NPR3: variants seen among roughly 807,000 people sequenced by gnomAD.
The protein encoded by NPR3 is natriuretic peptide receptor 3.
NPR3 carries 34 observed loss-of-function variants against 54.5 expected under a neutral mutation model. The ratio of observed to expected loss-of-function variants is 0.62; its 90% CI spans 0.47 to 0.83. The LOEUF is 0.83. Ranked by LOEUF, NPR3 falls within the 40% of genes least tolerant of loss-of-function variation. The pLI is 0.00. For synonymous variants in NPR3, 289 were observed against 297.1 expected, an observed-to-expected ratio of 0.97 and a Z score of 0.28; for missense variants, 674 against 720.8, an observed-to-expected ratio of 0.94 and a Z score of 0.74.
Position 32,756,857 on chromosome 5 carries a change from G to C in NPR3, c.1059+17827G>C, listed in dbSNP as rs182828540. On this transcript the variant is annotated intron_variant, in intron 3 of 7. Coordinates refer to ENST00000265074, the MANE Select transcript of NPR3 (RefSeq NM_001204375.2). Reference sequence around the variant, plus strand: ...TTTTCCCAGCACCATTTATTAAATAGGGAATCCTTTCCCCATTTCTTGTTT... The same window carrying C: ...TTTTCCCAGCACCATTTATTAAATACGGAATCCTTTCCCCATTTCTTGTTT... Among the ~76,000 whole-genome samples, 184 of 152,304 alleles carry C rather than the reference G, an allele frequency of 1.2e-3. 3 individuals carry two copies. The South Asian group carries it at 0.021, about 17-fold the overall frequency.
At chr5:32,747,310 T>C (rs1249023621) in intron 3 of NPR3, among the ~76,000 whole-genome samples, 1 of 152,216 alleles carries the variant, frequency 6.6e-6, no homozygotes, top group African/African-American at 2.4e-5. Flanking sequence ...TTCTTCCTTT[T>C]CCTTCTACCT....
At chr5:32,740,035 C>A (rs561642328) in intron 3 of NPR3, among the ~76,000 whole-genome samples, 1 of 152,318 alleles carries the variant, frequency 6.6e-6, no homozygotes, top group East Asian at 1.9e-4. Context: ...TACACACCAC[C>A]ATGCCCAGCT....
intron 3 of NPR3, among the ~76,000 whole-genome samples, chr5:32,743,417 T>C (rs1740134100): frequency 6.6e-6 from 1 of 152,092 alleles, no homozygotes; most frequent in South Asian, 2.1e-4. Flanking sequence ...TGTATTAAGT[T>C]CTATGCAATT....
intron 2 of NPR3, among the ~76,000 whole-genome samples, chr5:32,730,872 C>T (rs1412923889): frequency 6.6e-6 from 1 of 152,156 alleles, no homozygotes; most frequent in African/African-American, 2.4e-5. Context: ...GAAGACTCAA[C>T]ATGGTAAAGA....
intron 2 of NPR3, among the ~76,000 whole-genome samples, chr5:32,735,410 CTCTA>C (rs976519094): frequency 1.3e-5 from 2 of 149,862 alleles, no homozygotes; most frequent in African/African-American, 5.0e-5. Context: ...TTCTCAAGGG[CTCTA>C]TCTCTTTTTT....
chr5:32,787,516 A>G lies in NPR3; in HGVS notation c.*1171A>G, dbSNP rs187501530. On this transcript the variant is annotated 3_prime_UTR_variant, in exon 8 of 8. Coordinates refer to ENST00000265074, the MANE Select transcript of NPR3 (RefSeq NM_001204375.2). Reference sequence around the variant, plus strand: ...GTTACTACTTGACAGCAAGCACAGAAATGACAAATTTAAAACTTTTACACA... The same window carrying G: ...GTTACTACTTGACAGCAAGCACAGAGATGACAAATTTAAAACTTTTACACA... The G allele has an allele frequency of 4.0e-4, 61 of 152,310 alleles. No homozygotes were observed. Among genetic ancestry groups the G allele is most frequent in the African/African-American group, 1.4e-3 (58 of 41,570 alleles). 9.4% of individuals were successfully genotyped at this position (152,310 alleles called of 1,614,324 possible). A position where few individuals can be genotyped will look rare whatever the true frequency, so the allele number is the denominator to read the frequency against.
chr5:32,710,790 G>T (rs116399912), upstream of NPR3: 54 of 1,532,064 alleles, frequency 3.5e-5, no homozygotes, highest in Non-Finnish European at 4.6e-5. Flanking sequence ...AAAGGTGAGA[G>T]CAAGCGGCAC....
intron 3 of NPR3, among the ~76,000 whole-genome samples, chr5:32,761,527 T>G (rs937146220): frequency 2.0e-5 from 3 of 152,118 alleles, no homozygotes; most frequent in African/African-American, 7.2e-5. Flanking sequence ...GTTTCTGTTC[T>G]TTAGATTGAG....
rs151152810 is a variant in NPR3, at chr5:32,723,648, A to G, written c.770-1050A>G. Among the ~76,000 whole-genome samples, 3 of 152,304 alleles carry G rather than the reference A, an allele frequency of 2.0e-5. No individual in the cohort carries two copies. The East Asian group carries it at 5.8e-4, about 29-fold the overall frequency. ...CAGTTGACAATTTTCACTATCTTATATCCGGCAAATCTGGTGATTTATTTG... is the reference window on the plus strand; with the variant it reads ...CAGTTGACAATTTTCACTATCTTATGTCCGGCAAATCTGGTGATTTATTTG... On this transcript the variant is annotated intron_variant, in intron 1 of 7. Transcript: ENST00000265074.
rs377062036 is a variant in NPR3 at position 32,712,433 on chromosome 5, G to A, written c.657G>A (p.Gly219=). 1.9e-5 allele frequency: 31 copies of A among 1,612,278 alleles called. No individual in the cohort carries two copies. The East Asian group carries it at 5.1e-4, about 27-fold the overall frequency. ...LERNCYFTLE[G]VHEVFQEEGL... is the part of the protein sequence containing the mutation. ...GGAACTGCTACTTCACCCTCGAGGG[G>A]GTCCACGAGGTCTTCCAGGAGGAGG... Residue 219 remains glycine (G), a synonymous_variant, in exon 1 of 8, where the codon GGG becomes GGA. Transcript: ENST00000265074.
intron 1 of NPR3, among the ~76,000 whole-genome samples, chr5:32,714,285 A>G (rs550783339): frequency 2.0e-5 from 3 of 152,346 alleles, no homozygotes; most frequent in African/African-American, 4.8e-5. Flanking sequence ...GGCCTGGGAT[A>G]CAAAACCAAG....
upstream of NPR3, among the ~76,000 whole-genome samples, chr5:32,705,748 T>C (rs1333082349): frequency 6.6e-6 from 1 of 152,008 alleles, no homozygotes; most frequent in Non-Finnish European, 1.5e-5. Flanking sequence ...GGGACACAGA[T>C]TCAAACCATA....
At chr5:32,703,661 G>C (rs1561068915) in intron 1 of NPR3, among the ~76,000 whole-genome samples, 1 of 152,062 alleles carries the variant, frequency 6.6e-6, no homozygotes, top group South Asian at 2.1e-4. Flanking sequence ...GGGAGCTAGG[G>C]CCTGGAATGG....
intron 2 of NPR3, among the ~76,000 whole-genome samples, chr5:32,725,378 G>A (rs1487356599): frequency 6.6e-6 from 1 of 152,192 alleles, no homozygotes; most frequent in African/African-American, 2.4e-5. Flanking sequence ...CACTCCTACA[G>A]CTTCTCAAAA....
intron 2 of NPR3, among the ~76,000 whole-genome samples, chr5:32,732,595 G>T (rs1187188967): frequency 6.6e-6 from 1 of 152,194 alleles, no homozygotes; most frequent in African/African-American, 2.4e-5. Context: ...AGACTCTGAA[G>T]CACCCTTTTC....
chr5:32,701,389 T>G (rs1737794557), intron 1 of NPR3, among the ~76,000 whole-genome samples: 1 of 152,228 alleles, frequency 6.6e-6, no homozygotes, highest in Non-Finnish European at 1.5e-5. Context: ...TGAATTTATC[T>G]TATAGGACTG....
At position 32,757,416 on chromosome 5, in the gene NPR3, T is replaced by C. The variant is rs372686417; in HGVS notation, c.1060-17292T>C. 4.1e-4 allele frequency among the ~76,000 whole-genome samples: 62 copies of C among 152,350 alleles called. 1 individual carries two copies. The East Asian group carries it at 7.9e-3, about 19-fold the overall frequency. ...TTTGGCTATTTGTCTGTTATTGGTG[T>C]ATAAGAATGCTTGTGATTTTTGTAC... is the stretch of plus-strand genomic sequence containing the variant. On this transcript the variant is annotated intron_variant, in intron 3 of 7. Coordinates refer to ENST00000265074, the MANE Select transcript of NPR3 (RefSeq NM_001204375.2).
At chr5:32,713,738 G>C (rs1202556555) in intron 1 of NPR3, among the ~76,000 whole-genome samples, 1 of 152,240 alleles carries the variant, frequency 6.6e-6, no homozygotes, top group Non-Finnish European at 1.5e-5. Flanking sequence ...GAAGGCCCCA[G>C]GAACAGGTGA....
At position 32,730,709 on chromosome 5, in the gene NPR3, TA is replaced by T. The variant is rs1329476942; in HGVS notation, c.892+5891del. On this transcript the variant is annotated intron_variant, in intron 2 of 7. Coordinates refer to ENST00000265074, the MANE Select transcript of NPR3 (RefSeq NM_001204375.2). ...CATGTAGATGCCAAAATCAACAATA[TA>T]ATATCATTTAGTCAAAAAAGAAATA... 1.8e-4 allele frequency among the ~76,000 whole-genome samples: 27 copies of T among 152,180 alleles called. 1 individual carries two copies. Among genetic ancestry groups the T allele is most frequent in the Non-Finnish European group, 1.0e-4 (7 of 68,014 alleles).
Sources: gnomAD v4.1 joint callset for allele counts (sites outside exome capture counted in the v4.1 genomes callset) on GRCh38, gnomAD v4.1.1 for gene constraint, MANE v1.5 for transcripts, NCBI Gene and HGNC (gene_info 2026-07-23, HGNC 2026-07-21) for gene names.